Variants in MED16 observed in about 807,000 individuals in gnomAD.
MED16 encodes mediator of RNA polymerase II transcription subunit 16.
A neutral mutation model predicts 84.4 loss-of-function variants in MED16; 81 were observed. The ratio of observed to expected loss-of-function variants is 0.96; its 90% confidence interval spans 0.80 to 1.15. The LOEUF is 1.15. Ranked by LOEUF, MED16 falls within the 50% of genes most tolerant of loss-of-function variation. The pLI is 0.00. For synonymous variants in MED16, 897 were observed against 552.2 expected, an observed-to-expected ratio of 1.62 and a Z score of -8.76; for missense variants, 1,585 against 1,245.9, an observed-to-expected ratio of 1.27 and a Z score of -4.10.
chr19:871,647 G>C (rs375140438), intron 12 of MED16: 1 of 1,590,882 alleles, frequency 6.3e-7, no homozygotes, highest in African/African-American at 1.4e-5. Context: ...CACAGAGCAT[G>C]GACCTGTGCT....
chr19:875,203 T>C (rs1191018705), intron 10 of MED16, 41 bp downstream of exon 10: 3 of 1,313,214 alleles, frequency 2.3e-6, no homozygotes, highest in Non-Finnish European at 3.1e-6. Context: ...AATAAATAGA[T>C]GAAAGAAACC....
At chr19:871,434 TG>T (rs1244639950) in intron 12 of MED16, among the ~76,000 whole-genome samples, 181 bp from the exon 13 acceptor site, 1 of 152,084 alleles carries the variant, frequency 6.6e-6, no homozygotes, top group Non-Finnish European at 1.5e-5. Flanking sequence ...CCTGCCTGGC[TG>T]GGTGACCCCA....
At chr19:875,476 A>AC in intron 9 of MED16, 22 bp from the exon 10 acceptor site, 1 of 1,582,988 alleles carries the variant, frequency 6.3e-7, no homozygotes, top group Non-Finnish European at 8.5e-7. Context: ...AAGCCAGGTC[A>AC]CCCCAAGGGG....
At chr19:880,257 G>C (rs1394123824) in intron 7 of MED16, 109 bp from the exon 8 acceptor site, 1 of 1,033,424 alleles carries the variant, frequency 9.7e-7, no homozygotes, top group Non-Finnish European at 1.3e-6. Context: ...CCCATCCAGG[G>C]GGTCAGCCCC....
At chr19:875,208 G>C in intron 10 of MED16, 36 bp downstream of exon 10, 1 of 1,376,574 alleles carries the variant, frequency 7.3e-7, no homozygotes, top group Non-Finnish European at 9.9e-7. Context: ...ATAGATGAAA[G>C]AAACCTCGAG....
chr19:888,526 A>G (rs1438501047), intron 4 of MED16, among the ~76,000 whole-genome samples: 1 of 54,192 alleles, frequency 1.8e-5, no homozygotes, highest in Non-Finnish European at 4.1e-5. Flanking sequence ...TCTGTCTCCA[A>G]AAAAAAAAAA....
At chr19:889,903 A>G in intron 3 of MED16, 96 bp from the exon 4 acceptor site, 1 of 1,432,658 alleles carries the variant, frequency 7.0e-7, no homozygotes. Flanking sequence ...AGCCCAGTGG[A>G]GAGGTCTCGG....
At chr19:880,252 C>G in intron 7 of MED16, 104 bp from the exon 8 acceptor site, 2 of 1,097,382 alleles carry the variant, frequency 1.8e-6, no homozygotes, top group Non-Finnish European at 2.5e-6. Context: ...GGCTGCCCAT[C>G]CAGGGGGTCA....
rs1423939472 is a variant in MED16 at position 891,041 on chromosome 19, G to A, written c.91C>T (p.Pro31Ser). Residue 31 changes from proline to serine, a missense_variant, in exon 2 of 16, where the codon CCA (proline) becomes TCA (serine). By Grantham distance (74) the Pro-to-Ser change is moderately conservative. Transcript: ENST00000325464. The stretch of plus-strand genomic sequence containing the variant: ...CAGGCGCAGGCCAGGGGCACCGATG[G>A]GCAGTGGGTGCTCTTGGACCATTTC... Reference protein sequence around the residue: ...WEKWSKSTHCPSVPLACAWSC... With the variant: ...WEKWSKSTHCSSVPLACAWSC... 6.2e-7 allele frequency: 1 copy of A among 1,614,022 alleles called. No individual in the cohort carries two copies. The highest frequency in any genetic ancestry group is 1.7e-5 in the Admixed American group (1 of 60,008).
At chr19:889,913 G>A in intron 3 of MED16, 106 bp from the exon 4 acceptor site, 1 of 1,360,602 alleles carries the variant, frequency 7.3e-7, no homozygotes, top group Non-Finnish European at 9.9e-7. Flanking sequence ...AGAGGTCTCG[G>A]CCCAGGTAGG....
At chr19:869,467 A>G (rs939680362) in intron 13 of MED16, among the ~76,000 whole-genome samples, 5 of 152,138 alleles carry the variant, frequency 3.3e-5, no homozygotes, top group African/African-American at 9.7e-5. Context: ...TTCTGCTCTC[A>G]TTAAATATCT....
chr19:882,399 C>T (rs1278811757), intron 6 of MED16, among the ~76,000 whole-genome samples: 2 of 152,010 alleles, frequency 1.3e-5, no homozygotes, highest in Admixed American at 6.6e-5. Flanking sequence ...CGCCTGCACA[C>T]GCCTGTAGTC....
intron 9 of MED16, among the ~76,000 whole-genome samples, chr19:876,229 G>C (rs138972499): frequency 6.6e-6 from 1 of 152,096 alleles, no homozygotes; most frequent in Non-Finnish European, 1.5e-5. Context: ...TGCAGCTGCC[G>C]GCTGAGCTCG....
chr19:876,727 C>T (rs1015134318), intron 9 of MED16, among the ~76,000 whole-genome samples: 50 of 152,082 alleles, frequency 3.3e-4, no homozygotes, highest in Non-Finnish European at 4.4e-4. Context: ...TGCCACAACC[C>T]CCACATCTGC....
chr19:868,747 G>A (rs1004489075), intron 14 of MED16, 116 bp downstream of exon 14: 13 of 1,201,004 alleles, frequency 1.1e-5, no homozygotes, highest in Non-Finnish European at 1.5e-5. Context: ...CACTCCCTCT[G>A]GGACGTGCTC....
In MED16 at chr19:889,706, C is replaced by T. The variant is rs756770436; in HGVS notation, c.379G>A (p.Glu127Lys). 5.3e-5 allele frequency: 86 copies of T among 1,613,762 alleles called. No individual in the cohort carries two copies. In the South Asian group the frequency reaches 7.7e-4, roughly 14 times the overall value. ...GACAGGGCCACAATGGGGTCCCCCTCCACTAGGCTGCCCACTGAGCTCTCC... is the reference window on the plus strand; with the variant it reads ...GACAGGGCCACAATGGGGTCCCCCTTCACTAGGCTGCCCACTGAGCTCTCC... Reference protein sequence around the residue: ...SWESSVGSLVEGDPIVALSWL... With the variant: ...SWESSVGSLVKGDPIVALSWL... The change falls in exon 4 of 16, where the codon GAG becomes AAG. Residue 127 changes from glutamate (E) to lysine (K), a missense_variant. Coordinates refer to ENST00000325464, the MANE Select transcript of MED16 (RefSeq NM_005481.3).
chr19:887,850 G>A (rs920429859), intron 4 of MED16, among the ~76,000 whole-genome samples: 1 of 151,854 alleles, frequency 6.6e-6, no homozygotes, highest in Non-Finnish European at 1.5e-5. Context: ...TCGGGGGCTG[G>A]GGTGGGGGAT....
chr19:889,987 C>T (rs1018077475), intron 3 of MED16, 150 bp downstream of exon 3: 25 of 828,026 alleles, frequency 3.0e-5, no homozygotes, highest in Non-Finnish European at 4.3e-5. Context: ...AAGAATGATT[C>T]GGGCCACTAT....
intron 6 of MED16, 145 bp from the exon 7 acceptor site, chr19:881,859 C>G: frequency 1.0e-6 from 1 of 985,500 alleles, no homozygotes; most frequent in Non-Finnish European, 1.5e-6. Context: ...CCCAGAAGAC[C>G]AGGCCCGGCC....
Sources: allele counts gnomAD v4.1 joint callset (sites outside exome capture counted in the v4.1 genomes callset), GRCh38; gene constraint gnomAD v4.1.1; transcripts MANE v1.5; gene names NCBI Gene and HGNC (gene_info 2026-07-23, HGNC 2026-07-21).